The following GTF2F2 variants were observed in gnomAD, a reference collection of about 807,000 sequenced individuals.
The protein encoded by GTF2F2 is ATP-dependent helicase GTF2F2.
In GTF2F2, 23 loss-of-function variants were observed where a neutral mutation model predicts 42.2. The observed-to-expected ratio is 0.55, with a 90% CI of 0.39 to 0.77. The LOEUF (loss-of-function observed/expected upper bound fraction) is 0.77, where lower values mean the gene tolerates loss of function less well. Among genes scored for constraint, GTF2F2 ranks in the 30% least tolerant of loss-of-function variants. GTF2F2 has a pLI of 0.00. For synonymous variants in GTF2F2, 105 were observed against 100.8 expected (o/e 1.04, Z -0.25); for missense variants, 261 against 287.2 (o/e 0.91, Z 0.66).
At chr13:45,156,263 T>C (rs780500677) in intron 4 of GTF2F2, among the ~76,000 whole-genome samples, 3 of 152,206 alleles carry the variant, frequency 2.0e-5, no homozygotes, top group South Asian at 2.1e-4. Context: ...AATGGAGATA[T>C]GTACAAAGAG....
At chr13:45,193,476 A>C in intron 4 of GTF2F2, 1 of 240,240 alleles carries the variant, frequency 4.2e-6, no homozygotes, top group Admixed American at 5.2e-5. Flanking sequence ...TTTTTGTGCA[A>C]ATACCCAAGA....
chr13:45,187,914 A>G (rs1872491063), intron 4 of GTF2F2, among the ~76,000 whole-genome samples: 1 of 152,072 alleles, frequency 6.6e-6, no homozygotes, highest in Admixed American at 6.6e-5. Flanking sequence ...TACTGATTTT[A>G]TTTATTTGTT....
intron 5 of GTF2F2, among the ~76,000 whole-genome samples, chr13:45,236,493 A>G (rs922921730): frequency 1.8e-5 from 1 of 54,094 alleles, no homozygotes; most frequent in African/African-American, 2.6e-4. Context: ...CCACACATAC[A>G]CACACACACA....
At chr13:45,211,391 C>G (rs1259786370) in intron 5 of GTF2F2, among the ~76,000 whole-genome samples, 1 of 145,110 alleles carries the variant, frequency 6.9e-6, no homozygotes, top group African/African-American at 2.5e-5. Flanking sequence ...TTTTTTTAAA[C>G]TGTGAACAAC....
intron 2 of GTF2F2, among the ~76,000 whole-genome samples, chr13:45,141,490 G>T (rs1869923203): frequency 6.6e-6 from 1 of 152,082 alleles, no homozygotes; most frequent in South Asian, 2.1e-4. Context: ...CACTCTCCAG[G>T]GTGTCCTGGT....
At chr13:45,239,731 G>A (rs1875183782) in intron 5 of GTF2F2, among the ~76,000 whole-genome samples, 1 of 152,138 alleles carries the variant, frequency 6.6e-6, no homozygotes, top group African/African-American at 2.4e-5. Flanking sequence ...GCATATAATG[G>A]ACATAGTGTG....
intron 6 of GTF2F2, among the ~76,000 whole-genome samples, chr13:45,255,511 T>A (rs1175417506): frequency 6.6e-6 from 1 of 152,138 alleles, no homozygotes; most frequent in African/African-American, 2.4e-5. Flanking sequence ...AGGAGGAAAA[T>A]AAACTAAAGG....
chr13:45,252,302 A>AT lies in GTF2F2; in HGVS notation c.387-558dup, dbSNP rs991020259. Among the ~76,000 whole-genome samples, 73 of 148,802 alleles carry AT rather than the reference A, an allele frequency of 4.9e-4. No homozygotes were observed. The East Asian group carries it at 5.1e-3, about 10-fold the overall frequency. On this transcript the variant is annotated intron_variant, in intron 5 of 7. Transcript: ENST00000340473. ...GGACTACAGGCACTGTGCCTGGCTA[A>AT]TTTTTTTTTTTCTTAATTTTTTGTA...
At chr13:45,233,056 A>C (rs967793741) in intron 5 of GTF2F2, among the ~76,000 whole-genome samples, 5 of 152,202 alleles carry the variant, frequency 3.3e-5, no homozygotes, top group African/African-American at 1.2e-4. Flanking sequence ...CTTTTATGAA[A>C]CGTACTCCAT....
At chr13:45,129,513 C>T (rs964225497) in intron 1 of GTF2F2, among the ~76,000 whole-genome samples, 4 of 152,136 alleles carry the variant, frequency 2.6e-5, no homozygotes, top group Non-Finnish European at 5.9e-5. Context: ...CCCAACCCTT[C>T]CCCCTTATTT....
chr13:45,186,276 A>ATT lies in GTF2F2; in HGVS notation c.305-21134_305-21133dup, dbSNP rs1292377624. 8.9e-3 allele frequency among the ~76,000 whole-genome samples: 1,183 copies of ATT among 133,526 alleles called. 27 individuals carry two copies. Among genetic ancestry groups the ATT allele is most frequent in the African/African-American group, 0.03 (1,101 of 36,796 alleles). The allele number at this position is 133,526 out of a possible 152,430, so 87.6% of individuals were successfully genotyped here. A position where few individuals can be genotyped will look rare whatever the true frequency, so the allele number is the denominator to read the frequency against. Reference sequence around the variant, plus strand: ...AGGCGTGAGCCCCGGCACCTGGCCTATTTTTTTTTTTTTTTAATTTTAATT... The same window carrying ATT: ...AGGCGTGAGCCCCGGCACCTGGCCTATTTTTTTTTTTTTTTTTAATTTTAATT... On this transcript the variant is annotated intron_variant, in intron 4 of 7. Coordinates refer to ENST00000340473, the MANE Select transcript of GTF2F2 (RefSeq NM_004128.3).
intron 4 of GTF2F2, among the ~76,000 whole-genome samples, chr13:45,167,396 ATTTT>A (rs761750778): frequency 3.8e-5 from 4 of 104,272 alleles, no homozygotes; most frequent in Non-Finnish European, 7.6e-5. Flanking sequence ...TCACCCAGCT[ATTTT>A]TTTTTTTTTT....
At chr13:45,194,910 T>C (rs1417948847) in intron 4 of GTF2F2, among the ~76,000 whole-genome samples, 1 of 152,262 alleles carries the variant, frequency 6.6e-6, no homozygotes, top group African/African-American at 2.4e-5. Flanking sequence ...TGTTTAATTC[T>C]TCATCCAAAT....
chr13:45,227,853 A>G (rs1160606603), intron 5 of GTF2F2, among the ~76,000 whole-genome samples: 2 of 152,162 alleles, frequency 1.3e-5, no homozygotes, highest in Non-Finnish European at 2.9e-5. Flanking sequence ...AAATGGCACA[A>G]ATGCCCAGGG....
intron 4 of GTF2F2, among the ~76,000 whole-genome samples, chr13:45,175,179 G>A (rs1053180995): frequency 6.6e-6 from 1 of 152,156 alleles, no homozygotes; most frequent in Non-Finnish European, 1.5e-5. Context: ...TCATGTATGA[G>A]TGAGAACATA....
intron 5 of GTF2F2, among the ~76,000 whole-genome samples, chr13:45,214,922 A>G (rs963636860): frequency 5.3e-5 from 8 of 150,290 alleles, no homozygotes; most frequent in African/African-American, 7.6e-5. Context: ...TCACTAACTC[A>G]TCTGAAAATA....
chr13:45,269,802 A>C (rs1380428324), intron 7 of GTF2F2, among the ~76,000 whole-genome samples: 1 of 152,184 alleles, frequency 6.6e-6, no homozygotes, highest in Non-Finnish European at 1.5e-5. Flanking sequence ...CAATATGTTC[A>C]AATTATAATT....
intron 2 of GTF2F2, among the ~76,000 whole-genome samples, chr13:45,145,468 C>T (rs1255710744): frequency 6.6e-6 from 1 of 152,168 alleles, no homozygotes; most frequent in Non-Finnish European, 1.5e-5. Context: ...CTTGCTGCTT[C>T]CAAGGCCTTC....
chr13:45,181,177 AAAACAAACAAAC>A (rs1402026500), intron 4 of GTF2F2, among the ~76,000 whole-genome samples: 6 of 133,670 alleles, frequency 4.5e-5, no homozygotes, highest in African/African-American at 1.5e-4. Flanking sequence ...AAAAGACAAA[AAAACAAACAAAC>A]AAAAAAAAAA....
Sources: allele counts gnomAD v4.1 joint callset (sites outside exome capture counted in the v4.1 genomes callset), GRCh38; gene constraint gnomAD v4.1.1; transcripts MANE v1.5; gene names NCBI Gene and HGNC (gene_info 2026-07-23, HGNC 2026-07-21).